Variants in TMCC1 observed in about 807,000 individuals in gnomAD.
The protein encoded by TMCC1 is transmembrane and coiled-coil domain family 1.
Under a neutral mutation model 52.4 loss-of-function variants are expected in TMCC1, and 15 were observed. The observed-to-expected ratio is 0.29, with a 90% confidence interval of 0.19 to 0.44. The LOEUF (loss-of-function observed/expected upper bound fraction) is 0.44. Among genes scored for constraint, TMCC1 ranks in the 20% least tolerant of loss-of-function variants. The probability of loss-of-function intolerance (pLI) is 1.00; values close to 1 mark genes in which losing one functional copy is unlikely to be tolerated. For synonymous variants in TMCC1, 279 were observed against 301.9 expected, an observed-to-expected ratio of 0.92 and a Z score of 0.79; for missense variants, 503 against 806.0, an observed-to-expected ratio of 0.62 and a Z score of 4.55.
intron 4 of TMCC1, among the ~76,000 whole-genome samples, chr3:129,794,989 C>T (rs545967650): frequency 6.6e-6 from 1 of 152,312 alleles, no homozygotes; most frequent in East Asian, 1.9e-4. Context: ...GGAAACTCCT[C>T]CCAGCTGGGC....
chr3:129,882,726 T>C (rs1028008400), intron 1 of TMCC1, among the ~76,000 whole-genome samples: 1 of 152,130 alleles, frequency 6.6e-6, no homozygotes, highest in Non-Finnish European at 1.5e-5. Flanking sequence ...TACTACAACA[T>C]GGATGAACCT....
intron 1 of TMCC1, among the ~76,000 whole-genome samples, chr3:129,886,317 C>T (rs7634010): frequency 0.013 from 1,921 of 152,318 alleles, 41 homozygotes; most frequent in African/African-American, 0.042. Context: ...GAGAAAGTAG[C>T]ATTCTTTCAG....
chr3:129,742,358 AATT>A (rs1024660742), intron 4 of TMCC1, among the ~76,000 whole-genome samples: 19 of 152,158 alleles, frequency 1.2e-4, no homozygotes, highest in African/African-American at 4.3e-4. Context: ...ATATATAAAA[AATT>A]ATAAGTCAAA....
At chr3:129,765,117 A>G (rs1053955658) in intron 4 of TMCC1, among the ~76,000 whole-genome samples, 1 of 137,466 alleles carries the variant, frequency 7.3e-6, no homozygotes, top group Non-Finnish European at 1.6e-5. Context: ...TATTGATTCT[A>G]TTCCAAAGTT....
intron 4 of TMCC1, among the ~76,000 whole-genome samples, chr3:129,718,062 T>C (rs1043013475): frequency 2.2e-4 from 33 of 152,154 alleles, no homozygotes; most frequent in African/African-American, 7.2e-4. Context: ...AAATGGCAAA[T>C]TGCATAACCT....
intron 4 of TMCC1, among the ~76,000 whole-genome samples, chr3:129,754,956 C>T (rs2052864892): frequency 6.6e-6 from 1 of 151,764 alleles, no homozygotes; most frequent in African/African-American, 2.4e-5. Context: ...CGGGCGCCTG[C>T]AATCCCAGCT....
chr3:129,731,340 G>A (rs1433919799), intron 4 of TMCC1, among the ~76,000 whole-genome samples: 1 of 152,220 alleles, frequency 6.6e-6, no homozygotes, highest in East Asian at 1.9e-4. Flanking sequence ...CACTTTGGGA[G>A]GCCAAGGTGG....
At chr3:129,798,042 C>A (rs1482260791) in intron 4 of TMCC1, among the ~76,000 whole-genome samples, 1 of 146,294 alleles carries the variant, frequency 6.8e-6, no homozygotes, top group Non-Finnish European at 1.5e-5. Context: ...GTCCCCCAGG[C>A]TGGAGTGCAA....
intron 2 of TMCC1, among the ~76,000 whole-genome samples, chr3:129,852,741 T>A (rs1198218621): frequency 6.6e-6 from 1 of 152,160 alleles, no homozygotes; most frequent in Admixed American, 6.5e-5. Context: ...AAGAGTTTTT[T>A]AAAAAATCAT....
intron 2 of TMCC1, among the ~76,000 whole-genome samples, chr3:129,871,480 T>C (rs1273302730): frequency 2.6e-5 from 4 of 152,066 alleles, no homozygotes; most frequent in Non-Finnish European, 5.9e-5. Context: ...TGCAACATAT[T>C]AGATAAACCT....
chr3:129,674,917 T>C (rs896705334), intron 4 of TMCC1, among the ~76,000 whole-genome samples: 14 of 152,242 alleles, frequency 9.2e-5, no homozygotes, highest in Non-Finnish European at 8.8e-5. Flanking sequence ...GTCAGCTCAC[T>C]GCAACCTCTG....
intron 4 of TMCC1, among the ~76,000 whole-genome samples, chr3:129,819,355 T>A (rs1335073749): frequency 6.6e-6 from 1 of 152,178 alleles, no homozygotes; most frequent in African/African-American, 2.4e-5. Flanking sequence ...AGTGCTGGGA[T>A]TACAGGTGTG....
intron 2 of TMCC1, among the ~76,000 whole-genome samples, chr3:129,862,477 T>C (rs1258143082): frequency 6.6e-6 from 1 of 152,190 alleles, no homozygotes; most frequent in African/African-American, 2.4e-5. Flanking sequence ...CCGAAACTTC[T>C]AAAATAAAAG....
intron 2 of TMCC1, among the ~76,000 whole-genome samples, chr3:129,834,694 T>C (rs1462647303): frequency 1.3e-5 from 2 of 152,140 alleles, no homozygotes; most frequent in Non-Finnish European, 2.9e-5. Context: ...GCTGAGCCCA[T>C]TAGTATGGCT....
At chr3:129,888,674 C>T (rs1437098678) in intron 1 of TMCC1, among the ~76,000 whole-genome samples, 1 of 152,194 alleles carries the variant, frequency 6.6e-6, no homozygotes, top group Non-Finnish European at 1.5e-5. Flanking sequence ...TAAGTAGATA[C>T]ACCACCCTTA....
At chr3:129,663,874 T>A (rs912317032) in intron 5 of TMCC1, among the ~76,000 whole-genome samples, 5 of 152,164 alleles carry the variant, frequency 3.3e-5, no homozygotes, top group Admixed American at 3.3e-4. Context: ...CTTCCATATA[T>A]GTTATCTCCT....
chr3:129,859,651 T>C (rs866595451), intron 2 of TMCC1, among the ~76,000 whole-genome samples: 14 of 148,692 alleles, frequency 9.4e-5, no homozygotes, highest in African/African-American at 3.5e-4. Context: ...CACACACACA[T>C]ACACACACAC....
chr3:129,762,491 A>G (rs937095191), intron 4 of TMCC1, among the ~76,000 whole-genome samples: 6 of 152,142 alleles, frequency 3.9e-5, no homozygotes, highest in African/African-American at 1.4e-4. Flanking sequence ...TTTTTCTCTG[A>G]CAAAAAAATA....
At chr3:129,826,336 T>C (rs1421041679) in intron 4 of TMCC1, among the ~76,000 whole-genome samples, 164 of 117,000 alleles carry the variant, frequency 1.4e-3, no homozygotes, top group African/African-American at 5.0e-3. Flanking sequence ...ATCTCCTCTC[T>C]ACAAAAAAAA....
Sources: allele counts gnomAD v4.1 joint callset (sites outside exome capture counted in the v4.1 genomes callset), GRCh38; gene constraint gnomAD v4.1.1; transcripts MANE v1.5; gene names NCBI Gene and HGNC (gene_info 2026-07-23, HGNC 2026-07-21).